The following TNFRSF21 variants were observed in gnomAD, a reference collection of about 807,000 sequenced individuals.
TNFRSF21 encodes the protein TNF receptor superfamily member 21.
A neutral mutation model predicts 45.6 loss-of-function variants in TNFRSF21; 19 were observed. That is an observed-to-expected ratio of 0.42 (90% CI 0.29 to 0.61). The LOEUF (loss-of-function observed/expected upper bound fraction) is 0.61, where lower values mean the gene tolerates loss of function less well. Ranked by LOEUF, TNFRSF21 falls within the 20% of genes least tolerant of loss-of-function variation. The pLI, the probability that TNFRSF21 is intolerant of heterozygous loss-of-function variation, is 0.23. For missense variants in TNFRSF21, 737 were observed against 851.5 expected, an observed-to-expected ratio of 0.87 and a Z score of 1.67; for synonymous variants, 314 against 335.5, an observed-to-expected ratio of 0.94 and a Z score of 0.70.
chr6:47,261,083 C>T (rs998036613), intron 3 of TNFRSF21, among the ~76,000 whole-genome samples: 1 of 152,138 alleles, frequency 6.6e-6, no homozygotes, highest in Non-Finnish European at 1.5e-5. Context: ...AAGACAGCCT[C>T]CCTTCTAACA....
intron 1 of TNFRSF21, among the ~76,000 whole-genome samples, chr6:47,294,601 GAAC>G (rs1015327725): frequency 3.3e-5 from 5 of 152,214 alleles, no homozygotes; most frequent in African/African-American, 1.2e-4. Context: ...TGTTTTAACA[GAAC>G]TACAAATGGC....
At position 47,283,985 on chromosome 6, in the gene TNFRSF21, G is replaced by A. The variant is rs893702146; in HGVS notation, c.1196C>T (p.Thr399Ile). 8 of 1,614,074 alleles carry A rather than the reference G, an allele frequency of 5.0e-6. No homozygotes were observed. The African/African-American group carries it at 9.3e-5, about 19-fold the overall frequency. The change falls in exon 3 of 6, where the codon ACT becomes ATT. Residue 399 changes from threonine to isoleucine, a missense_variant. Coordinates refer to ENST00000296861, the MANE Select transcript of TNFRSF21 (RefSeq NM_014452.5). ...VEKAGLKKSM[T>I]PTQNREKWIY... ...CCATTTCTCCCGGTTCTGGGTTGGAGTCATGGATTTCTTCAGCCCTGCCTT... is the reference window on the plus strand; with the variant it reads ...CCATTTCTCCCGGTTCTGGGTTGGAATCATGGATTTCTTCAGCCCTGCCTT...
chr6:47,263,776 T>G (rs1179841377), intron 3 of TNFRSF21, among the ~76,000 whole-genome samples: 1 of 152,232 alleles, frequency 6.6e-6, no homozygotes, highest in Non-Finnish European at 1.5e-5. Context: ...TGAATGTATA[T>G]TTTAATCAAT....
At chr6:47,242,034 C>T (rs1250072322) in intron 4 of TNFRSF21, among the ~76,000 whole-genome samples, 1 of 152,104 alleles carries the variant, frequency 6.6e-6, no homozygotes, top group Non-Finnish European at 1.5e-5. Flanking sequence ...GAAGAAAGAA[C>T]AGGAGCACAA....
chr6:47,263,970 C>G (rs575036990), intron 3 of TNFRSF21, among the ~76,000 whole-genome samples: 1 of 152,166 alleles, frequency 6.6e-6, no homozygotes, highest in African/African-American at 2.4e-5. Context: ...CCTAATATGT[C>G]CAATTCTATA....
chr6:47,239,570 C>T (rs372719523), intron 4 of TNFRSF21, among the ~76,000 whole-genome samples: 23 of 152,278 alleles, frequency 1.5e-4, no homozygotes, highest in African/African-American at 4.6e-4. Context: ...CAGGAATAGG[C>T]GAGAACTCCA....
At position 47,236,676 on chromosome 6, in the gene TNFRSF21, A is replaced by G. The variant is rs541000953; in HGVS notation, c.1510-1778T>C. On this transcript the variant is annotated intron_variant, in intron 4 of 5. Transcript: ENST00000296861. ...ACACCTAGCAGTCCCTTTCTGACCTACAGACAAATGTTACGTATATGCTTG... is the reference window on the plus strand; with the variant it reads ...ACACCTAGCAGTCCCTTTCTGACCTGCAGACAAATGTTACGTATATGCTTG... Among the ~76,000 whole-genome samples, 13 of 152,332 alleles carry G rather than the reference A, an allele frequency of 8.5e-5. No homozygotes were observed. The East Asian group carries it at 1.2e-3, about 14-fold the overall frequency.
intron 3 of TNFRSF21, among the ~76,000 whole-genome samples, chr6:47,279,196 A>G (rs1762534856): frequency 6.6e-6 from 1 of 152,162 alleles, no homozygotes; most frequent in Non-Finnish European, 1.5e-5. Flanking sequence ...TGAGAACAAG[A>G]CTTCCTACTT....
chr6:47,234,655 C>T lies in TNFRSF21; in HGVS notation c.1738+15G>A. 1 of 1,592,952 alleles carries T rather than the reference C, an allele frequency of 6.3e-7. No homozygotes were observed. The highest frequency in any genetic ancestry group is 8.6e-7 in the Non-Finnish European group (1 of 1,168,318). ...GGTTTAAGTGCGTGTGTGAGGTCTG[C>T]TGCGATGCCCGTACCTTTGGTAATA... On this transcript the variant is annotated intron_variant, in intron 5 of 5. Transcript: ENST00000296861.
chr6:47,233,964 T>C (rs1764622177), intron 5 of TNFRSF21, among the ~76,000 whole-genome samples: 1 of 152,104 alleles, frequency 6.6e-6, no homozygotes, highest in Non-Finnish European at 1.5e-5. Flanking sequence ...AAAGTGAATT[T>C]TAGGGTATTT....
At chr6:47,294,382 T>C (rs1325406116) in intron 1 of TNFRSF21, among the ~76,000 whole-genome samples, 1 of 152,218 alleles carries the variant, frequency 6.6e-6, no homozygotes, top group African/African-American at 2.4e-5. Flanking sequence ...GACCTCGTGA[T>C]CCGCCTGCCT....
intron 3 of TNFRSF21, among the ~76,000 whole-genome samples, chr6:47,269,166 T>C (rs1762377654): frequency 6.6e-6 from 1 of 151,756 alleles, no homozygotes; most frequent in Non-Finnish European, 1.5e-5. Context: ...CTGGACTAAG[T>C]GAATCTCCTC....
Position 47,234,254 on chromosome 6 carries a change from G to A in TNFRSF21, c.1738+416C>T, listed in dbSNP as rs573225780. On this transcript the variant is annotated intron_variant, in intron 5 of 5. Coordinates refer to ENST00000296861, the MANE Select transcript of TNFRSF21 (RefSeq NM_014452.5). ...GGCCTTCCAAAGTGCTCGGATTACA[G>A]GCGTGAGCTGCTGCGCACGGCCTAA... is the stretch of plus-strand genomic sequence containing the variant. Among the ~76,000 whole-genome samples the A allele has an allele frequency of 2.0e-3, 312 of 152,292 alleles. 1 individual carries two copies. The highest frequency in any genetic ancestry group is 7.2e-3 in the African/African-American group (298 of 41,548).
At chr6:47,297,510 C>CTTTTTTTTT (rs55690288) in intron 1 of TNFRSF21, among the ~76,000 whole-genome samples, 92 of 117,420 alleles carry the variant, frequency 7.8e-4, no homozygotes, top group Non-Finnish European at 1.1e-3. Flanking sequence ...TCTCTTTTTA[C>CTTTTTTTTT]TTTTTTTTTT....
Position 47,234,755 on chromosome 6 carries a change from C to T in TNFRSF21, c.1653G>A (p.Val551=), listed in dbSNP as rs1353107111. 6.2e-7 allele frequency: 1 copy of T among 1,609,476 alleles called. No individual in the cohort carries two copies. The highest frequency in any genetic ancestry group is 1.3e-5 in the African/African-American group (1 of 74,594). The change falls in exon 5 of 6, where the codon GTG becomes GTA. Residue 551 remains valine (V), a synonymous_variant. Coordinates refer to ENST00000296861, the MANE Select transcript of TNFRSF21 (RefSeq NM_014452.5). ...SPQDKNKGFF[V]DESEPLLRCD... is the part of the protein sequence containing the mutation. ...AGCGGAGAAGGGGCTCCGACTCATC[C>T]ACGAAGAAGCCCTTGTTCTTGTCCT...
At chr6:47,296,822 T>C (rs897793520) in intron 1 of TNFRSF21, among the ~76,000 whole-genome samples, 2 of 152,314 alleles carry the variant, frequency 1.3e-5, no homozygotes, top group East Asian at 1.9e-4. Flanking sequence ...TCCTTTATTA[T>C]ATCTTTTATC....
chr6:47,275,874 T>A (rs2113860171), intron 3 of TNFRSF21, among the ~76,000 whole-genome samples: 1 of 152,258 alleles, frequency 6.6e-6, no homozygotes, highest in East Asian at 1.9e-4. Context: ...GCCTCTTCCC[T>A]CTGACTGGCA....
At chr6:47,258,691 A>C (rs1377339184) in intron 3 of TNFRSF21, among the ~76,000 whole-genome samples, 1 of 152,166 alleles carries the variant, frequency 6.6e-6, no homozygotes, top group Admixed American at 6.5e-5. Context: ...TGCCCACCTC[A>C]GCTTCCCAAA....
chr6:47,234,783 G>A lies in TNFRSF21; in HGVS notation c.1625C>T (p.Pro542Leu), dbSNP rs777909362. Residue 542 changes from proline (P) to leucine (L), a missense_variant, in exon 5 of 6, where the codon CCA becomes CTA. Physicochemically the swap from Pro to Leu is moderately conservative, Grantham distance 98. Coordinates refer to ENST00000296861, the MANE Select transcript of TNFRSF21 (RefSeq NM_014452.5). ...NSALLTVEPS[P>L]QDKNKGFFVD... ...GAAGAAGCCCTTGTTCTTGTCCTGT[G>A]GGGAAGGCTCCACCGTCAGGAGAGC... 5.6e-6 allele frequency: 9 copies of A among 1,599,064 alleles called. No individual in the cohort carries two copies. The highest frequency in any genetic ancestry group is 1.7e-4 in the Middle Eastern group (1 of 5,824).
Sources: gnomAD v4.1 joint callset for allele counts (sites outside exome capture counted in the v4.1 genomes callset) on GRCh38, gnomAD v4.1.1 for gene constraint, MANE v1.5 for transcripts, NCBI Gene and HGNC (gene_info 2026-07-23, HGNC 2026-07-21) for gene names.